The following MEI4 variants were observed in gnomAD, a reference collection of about 807,000 sequenced individuals.
MEI4 encodes meiotic double-stranded break formation protein 4.
Under a neutral mutation model 31.4 loss-of-function variants are expected in MEI4, and 27 were observed. That is an observed-to-expected ratio of 0.86 (90% CI 0.63 to 1.19). The LOEUF is 1.19. Ranked by LOEUF, MEI4 falls within the 50% of genes most tolerant of loss-of-function variation. The probability of loss-of-function intolerance (pLI) is 0.00; values close to 1 mark genes in which losing one functional copy is unlikely to be tolerated. For missense variants in MEI4, 329 were observed against 398.9 expected, an observed-to-expected ratio of 0.82 and a Z score of 1.49; for synonymous variants, 122 against 145.4, an observed-to-expected ratio of 0.84 and a Z score of 1.16.
intron 2 of MEI4, among the ~76,000 whole-genome samples, chr6:77,740,385 ATCTG>A (rs567709670): frequency 1.6e-4 from 25 of 152,240 alleles, no homozygotes; most frequent in South Asian, 1.0e-3. Context: ...TGCTTTAATG[ATCTG>A]TCTAATACTG....
chr6:77,733,645 T>G (rs1300511209), intron 2 of MEI4, among the ~76,000 whole-genome samples: 2 of 151,974 alleles, frequency 1.3e-5, no homozygotes, highest in Non-Finnish European at 2.9e-5. Flanking sequence ...TGCTCTGATT[T>G]TAGTTATTTC....
chr6:77,684,593 A>G (rs1476347475), intron 1 of MEI4, among the ~76,000 whole-genome samples: 2 of 152,252 alleles, frequency 1.3e-5, no homozygotes, highest in Non-Finnish European at 2.9e-5. Flanking sequence ...AATAAGTGAG[A>G]ACGTGCAATG....
intron 3 of MEI4, among the ~76,000 whole-genome samples, chr6:77,788,002 G>A (rs1768794028): frequency 6.6e-6 from 1 of 152,158 alleles, no homozygotes; most frequent in Non-Finnish European, 1.5e-5. Context: ...GTATCAGGAT[G>A]ATGCTGGCCT....
At chr6:77,875,942 T>C (rs1331874464) in intron 4 of MEI4, among the ~76,000 whole-genome samples, 2 of 152,150 alleles carry the variant, frequency 1.3e-5, no homozygotes, top group Non-Finnish European at 2.9e-5. Context: ...GTGATTCAAC[T>C]ATTTCAAGTC....
chr6:77,673,529 T>C (rs938949826), intron 1 of MEI4, among the ~76,000 whole-genome samples: 2 of 152,144 alleles, frequency 1.3e-5, no homozygotes, highest in Admixed American at 6.6e-5. Flanking sequence ...CCCAATTCAA[T>C]TGAGAACATA....
intron 3 of MEI4, among the ~76,000 whole-genome samples, chr6:77,783,611 T>C (rs1768651384): frequency 6.6e-6 from 1 of 150,816 alleles, no homozygotes; most frequent in Non-Finnish European, 1.5e-5. Flanking sequence ...TTCTAAAATA[T>C]AAGATCAATT....
At chr6:77,704,414 A>G (rs1458682968) in intron 2 of MEI4, among the ~76,000 whole-genome samples, 1 of 152,188 alleles carries the variant, frequency 6.6e-6, no homozygotes, top group Non-Finnish European at 1.5e-5. Flanking sequence ...GGAAATGAGG[A>G]AAATAAGTTA....
At chr6:77,800,591 C>A (rs1041913693) in intron 3 of MEI4, among the ~76,000 whole-genome samples, 8 of 152,124 alleles carry the variant, frequency 5.3e-5, no homozygotes, top group African/African-American at 1.7e-4. Context: ...GGAATGCTTC[C>A]AGTTTTTGCC....
rs184874277 is a variant in MEI4 at position 77,697,962 on chromosome 6, C to T, written c.232+7059C>T. On this transcript the variant is annotated intron_variant, in intron 2 of 4. Transcript: ENST00000684080. ...AATCTGGGTGCTCCTGTATTGGGTT[C>T]ATATATATTTAGGATAGTTAGCTCT... Among the ~76,000 whole-genome samples the T allele has an allele frequency of 1.6e-3, 237 of 152,256 alleles. 2 individuals carry two copies. The highest frequency in any genetic ancestry group is 5.4e-3 in the African/African-American group (224 of 41,546).
chr6:77,847,954 G>A lies in MEI4; in HGVS notation c.900+18892G>A, dbSNP rs1367616803. ...AAAGGAAAAAAGGAAAGGAAAGAAC[G>A]TCGGAATATTTATCTCCTCTTCACT... On this transcript the variant is annotated intron_variant, in intron 4 of 4. Transcript: ENST00000684080. The surrounding 1 kb of genome is among the most constrained non-coding windows in gnomAD (Gnocchi z 4.6). 1.3e-5 allele frequency among the ~76,000 whole-genome samples: 2 copies of A among 152,112 alleles called. No individual in the cohort carries two copies. The highest frequency in any genetic ancestry group is 2.4e-5 in the African/African-American group (1 of 41,422).
At chr6:77,848,424 C>A (rs1353707253) in intron 4 of MEI4, among the ~76,000 whole-genome samples, 1 of 152,172 alleles carries the variant, frequency 6.6e-6, no homozygotes, top group Non-Finnish European at 1.5e-5. Context: ...GCCTGGGAGA[C>A]AGTTCCCTGA....
intron 3 of MEI4, among the ~76,000 whole-genome samples, chr6:77,827,229 G>A (rs940324627): frequency 4.0e-5 from 6 of 151,592 alleles, no homozygotes; most frequent in South Asian, 2.1e-4. Flanking sequence ...GTGTGGTGGC[G>A]GGTGCCTGTA....
chr6:77,737,136 T>C (rs544781354), intron 2 of MEI4, among the ~76,000 whole-genome samples: 3 of 152,296 alleles, frequency 2.0e-5, no homozygotes, highest in Admixed American at 1.3e-4. Context: ...TTAAGGATTT[T>C]CCAACAGGAA....
chr6:77,798,854 G>T (rs1377723462), intron 3 of MEI4, among the ~76,000 whole-genome samples: 1 of 151,724 alleles, frequency 6.6e-6, no homozygotes, highest in Non-Finnish European at 1.5e-5. Context: ...AGTATTCCAT[G>T]GTGTATATGT....
rs1388464137 is a variant in MEI4 at position 77,865,739 on chromosome 6, A to G, written c.900+36677A>G. ...CCCTAACTCATTTTATGAGGCCAGC[A>G]TCATCCTGATACCAAAGCCTGGCAG... On this transcript the variant is annotated intron_variant, in intron 4 of 4. Transcript: ENST00000684080. Among the ~76,000 whole-genome samples, 3 of 152,216 alleles carry G rather than the reference A, an allele frequency of 2.0e-5. No homozygotes were observed. The East Asian group carries it at 5.8e-4, about 29-fold the overall frequency.
chr6:77,669,582 TA>T (rs35706460), intron 1 of MEI4, among the ~76,000 whole-genome samples: 21,166 of 151,966 alleles, frequency 0.14, 1,755 homozygotes, highest in East Asian at 0.23. Context: ...GAACTAGTCT[TA>T]ACTGCTGAGT....
intron 4 of MEI4, among the ~76,000 whole-genome samples, chr6:77,845,886 T>A (rs945509430): frequency 1.7e-4 from 1 of 5,962 alleles, no homozygotes; most frequent in Non-Finnish European, 2.5e-4. Context: ...GAAGTCTTGT[T>A]TTTTTTTTTT....
chr6:77,679,344 C>T (rs1768908123), intron 1 of MEI4, among the ~76,000 whole-genome samples: 1 of 152,056 alleles, frequency 6.6e-6, no homozygotes, highest in Non-Finnish European at 1.5e-5. Flanking sequence ...TCTTTTATAT[C>T]GTATTTTTAC....
intron 4 of MEI4, among the ~76,000 whole-genome samples, chr6:77,854,133 T>G (rs1770695065): frequency 6.6e-6 from 1 of 152,168 alleles, no homozygotes; most frequent in Admixed American, 6.5e-5. Context: ...CTGAGTGTTC[T>G]AAGTCATTTG....
Sources: allele counts gnomAD v4.1 joint callset (sites outside exome capture counted in the v4.1 genomes callset), GRCh38; gene constraint gnomAD v4.1.1; non-coding constraint Gnocchi (gnomAD v3.1); transcripts MANE v1.5; gene names NCBI Gene and HGNC (gene_info 2026-07-23, HGNC 2026-07-21).